KCNQ1: variants seen among roughly 807,000 people sequenced by gnomAD.
KCNQ1 encodes potassium voltage-gated channel subfamily KQT member 1.
Under a neutral mutation model 72.4 loss-of-function variants are expected in KCNQ1, and 49 were observed. That is an observed-to-expected ratio of 0.68 (90% CI 0.54 to 0.86). The LOEUF is 0.86. KCNQ1 is among the 40% of genes least tolerant of loss of function. KCNQ1 has a pLI of 0.00. For synonymous variants in KCNQ1, 450 were observed against 412.6 expected, an observed-to-expected ratio of 1.09 and a Z score of -1.10; for missense variants, 790 against 945.1, an observed-to-expected ratio of 0.84 and a Z score of 2.15.
chr11:2,596,588 A>AC (rs1848736070), intron 10 of KCNQ1, among the ~76,000 whole-genome samples: 2 of 151,462 alleles, frequency 1.3e-5, no homozygotes, highest in South Asian at 4.2e-4. Context: ...AAGAAGCCAG[A>AC]CAAAAAAAAA....
chr11:2,847,814 C>T lies in KCNQ1; in HGVS notation c.1842C>T (p.His614=). The change falls in exon 16 of 16, where the codon CAC becomes CAT. Residue 614 remains histidine, a synonymous_variant. Coordinates refer to ENST00000155840, the MANE Select transcript of KCNQ1 (RefSeq NM_000218.3). Reference sequence around the variant, plus strand: ...TGGCACTCATCACCGACATGCTTCACCAGCTGCTCTCCTTGCACGGTGGCA... The same window carrying T: ...TGGCACTCATCACCGACATGCTTCATCAGCTGCTCTCCTTGCACGGTGGCA... ...QRLALITDML[H]QLLSLHGGST... The T allele has an allele frequency of 6.4e-7, 1 of 1,569,760 alleles. No homozygotes were observed. Among genetic ancestry groups the T allele is most frequent in the Non-Finnish European group, 8.6e-7 (1 of 1,157,048 alleles).
Position 2,768,858 on chromosome 11 carries a change from A to G in KCNQ1, c.1529A>G (p.His510Arg), listed in dbSNP as rs1322261590. ...CTCCACTGCAGGCTGCGGGAACACC[A>G]TCGGGCCACCATTAAGGTCATTCGA... ...ITHISQLREHHRATIKVIRRM... is the reference protein window; with the variant it reads ...ITHISQLREHRRATIKVIRRM... Residue 510 changes from histidine (H) to arginine (R), a missense_variant, in exon 12 of 16, where the codon CAT (histidine) becomes CGT (arginine). By Grantham distance (29) the His-to-Arg change is conservative. Transcript: ENST00000155840. The surrounding 1 kb of genome is among the most constrained non-coding windows in gnomAD (Gnocchi z 6.7). 5.6e-6 allele frequency: 9 copies of G among 1,614,068 alleles called. No homozygotes were observed. The highest frequency in any genetic ancestry group is 6.8e-6 in the Non-Finnish European group (8 of 1,179,978).
chr11:2,735,720 C>A lies in KCNQ1; in HGVS notation c.1515-33124C>A, dbSNP rs535896162. On this transcript the variant is annotated intron_variant, in intron 11 of 15. Transcript: ENST00000155840. This position sits in a 1 kb window ranked among gnomAD's most constrained non-coding sequence, Gnocchi z 7.7. ...GAGGCTGGAGTCCAAGGTCAAGGTG[C>A]TGCAGGGCTGGGTCCTCCTGCAGCC... Among the ~76,000 whole-genome samples the A allele has an allele frequency of 4.6e-5, 7 of 152,190 alleles. No homozygotes were observed. The highest frequency in any genetic ancestry group is 1.7e-4 in the African/African-American group (7 of 41,516).
intron 2 of KCNQ1, among the ~76,000 whole-genome samples, chr11:2,570,174 G>C (rs993515353): frequency 7.1e-6 from 1 of 140,852 alleles, no homozygotes; most frequent in Admixed American, 6.8e-5. Flanking sequence ...TGGGGTTCCT[G>C]GTGTGGGGCC....
In KCNQ1 at chr11:2,617,272, T is replaced by G. The variant is rs1249990108; in HGVS notation, c.1393+28418T>G. On this transcript the variant is annotated intron_variant, in intron 10 of 15. Transcript: ENST00000155840. This position sits in a 1 kb window ranked among gnomAD's most constrained non-coding sequence, Gnocchi z 4.6. Reference sequence around the variant, plus strand: ...ATGGTAACCACTAGTTTATTCTATCTCTGTATATTTGACTTTTTTCTTTTT... The same window carrying G: ...ATGGTAACCACTAGTTTATTCTATCGCTGTATATTTGACTTTTTTCTTTTT... 1.0e-5 allele frequency: 4 copies of G among 398,348 alleles called. No homozygotes were observed. The highest frequency in any genetic ancestry group is 6.2e-4 in the Middle Eastern group (1 of 1,608). The allele number at this position is 398,348 out of a possible 1,614,324, so 24.7% of individuals were successfully genotyped here. A position where few individuals can be genotyped will look rare whatever the true frequency, so the allele number is the denominator to read the frequency against.
Position 2,735,095 on chromosome 11 carries a change from C to T in KCNQ1, c.1515-33749C>T, listed in dbSNP as rs543741720. ...ATCACCTGTGCCGTGGCTGTCAGCGCGCATCTGGCTTACATTGAACTCCCC... is the reference window on the plus strand; with the variant it reads ...ATCACCTGTGCCGTGGCTGTCAGCGTGCATCTGGCTTACATTGAACTCCCC... On this transcript the variant is annotated intron_variant, in intron 11 of 15. Coordinates refer to ENST00000155840, the MANE Select transcript of KCNQ1 (RefSeq NM_000218.3). This position sits in a 1 kb window ranked among gnomAD's most constrained non-coding sequence, Gnocchi z 7.7. Among the ~76,000 whole-genome samples the T allele has an allele frequency of 9.2e-5, 14 of 152,276 alleles. No individual in the cohort carries two copies. The highest frequency in any genetic ancestry group is 2.9e-4 in the African/African-American group (12 of 41,558).
At chr11:2,610,516 T>C in intron 10 of KCNQ1, 1 of 398,442 alleles carries the variant, frequency 2.5e-6, no homozygotes, top group Non-Finnish European at 4.4e-6. Flanking sequence ...ACAGCTTTGC[T>C]CCTATTTACC....
chr11:2,734,263 C>T lies in KCNQ1; in HGVS notation c.1515-34581C>T, dbSNP rs115868677. Among the ~76,000 whole-genome samples the T allele has an allele frequency of 4.8e-3, 738 of 152,312 alleles. 9 individuals are homozygous for T. Among genetic ancestry groups the T allele is most frequent in the African/African-American group, 0.017 (695 of 41,570 alleles). On this transcript the variant is annotated intron_variant, in intron 11 of 15. Transcript: ENST00000155840. The surrounding 1 kb of genome is among the most constrained non-coding windows in gnomAD (Gnocchi z 7.0). ...GGTCAGGTCCTAAGAGGCCTCAGGC[C>T]GGAGCCCAGCTGCAGAGCAGGGCAG...
intron 15 of KCNQ1, among the ~76,000 whole-genome samples, chr11:2,780,944 GA>G (rs1274372117): frequency 6.6e-6 from 1 of 152,098 alleles, no homozygotes; most frequent in East Asian, 1.9e-4. Flanking sequence ...CCATTCCAGG[GA>G]TCCCTTCCAC....
intron 15 of KCNQ1, among the ~76,000 whole-genome samples, chr11:2,788,686 A>C (rs533039493): frequency 6.6e-6 from 1 of 152,162 alleles, no homozygotes. Context: ...TTAGTTTGCT[A>C]TTCTGGGAAC....
rs1214405717 is a variant in KCNQ1 at position 2,484,444 on chromosome 11, T to G, written c.386+38960T>G. ...CCTCCCAAAGTGCAGGGATTACAGG[T>G]GTGAGCCACTGCACCCAGCCTCATT... On this transcript the variant is annotated intron_variant, in intron 1 of 15. Transcript: ENST00000155840. The surrounding 1 kb of genome is among the most constrained non-coding windows in gnomAD (Gnocchi z 5.2). Among the ~76,000 whole-genome samples, 1 of 152,172 alleles carries G rather than the reference T, an allele frequency of 6.6e-6. No individual in the cohort carries two copies. Among genetic ancestry groups the G allele is most frequent in the Non-Finnish European group, 1.5e-5 (1 of 68,032 alleles).
intron 15 of KCNQ1, 70 bp downstream of exon 15, chr11:2,778,107 CT>C: frequency 6.8e-7 from 1 of 1,465,854 alleles, no homozygotes; most frequent in Non-Finnish European, 9.5e-7. Flanking sequence ...TCCCTGTGGT[CT>C]GCGTGTGAAC....
chr11:2,594,065 G>T (rs1589972536), intron 10 of KCNQ1, among the ~76,000 whole-genome samples: 1 of 152,132 alleles, frequency 6.6e-6, no homozygotes, highest in Non-Finnish European at 1.5e-5. Flanking sequence ...TCACAGACTT[G>T]CAGTTTTCTG....
At chr11:2,801,864 G>A (rs1847273304) in intron 15 of KCNQ1, among the ~76,000 whole-genome samples, 2 of 152,236 alleles carry the variant, frequency 1.3e-5, no homozygotes, top group Admixed American at 6.5e-5. Context: ...CAGGGATGGT[G>A]TCCCCGCAGC....
In KCNQ1 at chr11:2,627,017, C is replaced by T. The variant is rs1849272422; in HGVS notation, c.1394-34944C>T. The stretch of plus-strand genomic sequence containing the variant: ...GATTTGTAGATTGTTTTGTGTGGTA[C>T]TGACACCTTAACAATATTGGCCTTC... On this transcript the variant is annotated intron_variant, in intron 10 of 15. Transcript: ENST00000155840. This position sits in a 1 kb window ranked among gnomAD's most constrained non-coding sequence, Gnocchi z 4.9. 1.0e-5 allele frequency: 4 copies of T among 398,552 alleles called. No homozygotes were observed. In the East Asian group the frequency reaches 1.4e-4, roughly 14 times the overall value. The allele number at this position is 398,552 out of a possible 1,614,324, so 24.7% of individuals were successfully genotyped here.
rs1393773367 is a variant in KCNQ1, at chr11:2,579,656, G to C, written c.922-3779G>C. On this transcript the variant is annotated intron_variant, in intron 6 of 15. Coordinates refer to ENST00000155840, the MANE Select transcript of KCNQ1 (RefSeq NM_000218.3). The surrounding 1 kb of genome is among the most constrained non-coding windows in gnomAD (Gnocchi z 6.0). ...AGACAGGCAGACCAGGCGAAGGTGG[G>C]GTCCTGGAGCTGCGTCCTGCTGTAT... Among the ~76,000 whole-genome samples, 2 of 152,278 alleles carry C rather than the reference G, an allele frequency of 1.3e-5. No individual in the cohort carries two copies. The highest frequency in any genetic ancestry group is 3.9e-4 in the East Asian group (2 of 5,164).
intron 2 of KCNQ1, among the ~76,000 whole-genome samples, chr11:2,556,354 G>A (rs1431858471): frequency 6.6e-6 from 1 of 152,158 alleles, no homozygotes; most frequent in East Asian, 1.9e-4. Flanking sequence ...GCGGGGCGGG[G>A]GACACAGTTT....
chr11:2,474,196 G>C (rs891064475), intron 1 of KCNQ1, among the ~76,000 whole-genome samples: 4 of 152,188 alleles, frequency 2.6e-5, no homozygotes, highest in Non-Finnish European at 4.4e-5. Flanking sequence ...GAAGCGTTGG[G>C]GGTAGTCAGG....
chr11:2,699,969 T>C (rs1850766697), intron 11 of KCNQ1: 1 of 398,334 alleles, frequency 2.5e-6, no homozygotes, highest in Non-Finnish European at 4.4e-6. Flanking sequence ...TGGAGGTCCG[T>C]GCTGAGGCGA....
Sources: allele counts gnomAD v4.1 joint callset (sites outside exome capture counted in the v4.1 genomes callset), GRCh38; gene constraint gnomAD v4.1.1; non-coding constraint Gnocchi (gnomAD v3.1); transcripts MANE v1.5; gene names NCBI Gene and HGNC (gene_info 2026-07-23, HGNC 2026-07-21).